ATXN3: variants seen among roughly 807,000 people sequenced by gnomAD.
ATXN3 encodes ataxin 3.
Under a neutral mutation model 58.2 loss-of-function variants are expected in ATXN3, and 28 were observed. That is an observed-to-expected ratio of 0.48 (90% CI 0.36 to 0.66). The LOEUF (loss-of-function observed/expected upper bound fraction) is 0.66, where lower values mean the gene tolerates loss of function less well. ATXN3 is among the 30% of genes least tolerant of loss of function. ATXN3 has a pLI of 0.00. For missense variants in ATXN3, 321 were observed against 422.1 expected, an observed-to-expected ratio of 0.76 and a Z score of 2.10; for synonymous variants, 113 against 138.5, an observed-to-expected ratio of 0.82 and a Z score of 1.29.
At chr14:92,058,073 G>A (rs766826445), downstream of ATXN3, among the ~76,000 whole-genome samples, 1 of 152,122 alleles carries the variant, frequency 6.6e-6, no homozygotes, top group African/African-American at 2.4e-5. Flanking sequence ...GCTTCTCTTG[G>A]AAAAGACTGA....
downstream of ATXN3, chr14:92,058,434 C>G (rs541182858): frequency 8.0e-4 from 122 of 152,376 alleles, 1 homozygote; most frequent in African/African-American, 2.8e-3. Flanking sequence ...TAGGCTCAAG[C>G]AATCCTCCTG....
chr14:92,083,083 T>A, intron 7 of ATXN3, 43 bp downstream of exon 7: 1 of 1,560,174 alleles, frequency 6.4e-7, no homozygotes, highest in Non-Finnish European at 8.6e-7. Flanking sequence ...ATTCTCATAA[T>A]GAAATACTAC....
chr14:92,080,597 G>C (rs1172965001), intron 9 of ATXN3: 2 of 301,504 alleles, frequency 6.6e-6, no homozygotes, highest in Admixed American at 4.6e-5. Context: ...GCAGTGGTGC[G>C]ATCTCGGCTC....
At chr14:92,097,081 G>A (rs1304000059) in intron 1 of ATXN3, 1 of 402,650 alleles carries the variant, frequency 2.5e-6, no homozygotes, top group Non-Finnish European at 4.6e-6. Context: ...CTAAATTTTT[G>A]TATTTTTAGT....
At chr14:92,081,739 T>A (rs1002685780) in intron 8 of ATXN3, among the ~76,000 whole-genome samples, 1 of 148,396 alleles carries the variant, frequency 6.7e-6, no homozygotes, top group African/African-American at 2.6e-5. Context: ...TAGAAAAAAA[T>A]AAAACAAAAA....
chr14:92,089,832 A>G, intron 5 of ATXN3, among the ~76,000 whole-genome samples: 1 of 152,326 alleles, frequency 6.6e-6, no homozygotes, highest in South Asian at 2.1e-4. Context: ...TGACAACTAC[A>G]CAAAGTTTTC....
In ATXN3 at chr14:92,045,437, C is replaced by G. The variant is rs528379827; in HGVS notation, n.277-479G>C. Among the ~76,000 whole-genome samples the G allele has an allele frequency of 5.3e-5, 8 of 152,222 alleles. No individual in the cohort carries two copies. In the East Asian group the frequency reaches 1.5e-3, roughly 29 times the overall value. Reference sequence around the variant, plus strand: ...GCCTTCTCAGACCCTGTGGGAAAGGCCTCTACCCATCCAGTGAAAGTGTCT... The same window carrying G: ...GCCTTCTCAGACCCTGTGGGAAAGGGCTCTACCCATCCAGTGAAAGTGTCT... On this transcript the variant is annotated intron_variant and non_coding_transcript_variant, in intron 2 of 2. Coordinates refer to the ATXN3 transcript ENST00000564606.
chr14:92,064,514 GTTTC>G (rs780362590), intron 10 of ATXN3, 100 bp from the exon 11 acceptor site: 9 of 898,588 alleles, frequency 1.0e-5, no homozygotes, highest in Non-Finnish European at 1.2e-5. Context: ...TTGAGCACGA[GTTTC>G]TTTTTTTGAT....
chr14:92,091,279 C>G (rs899471247), intron 5 of ATXN3, among the ~76,000 whole-genome samples: 1 of 151,952 alleles, frequency 6.6e-6, no homozygotes, highest in African/African-American at 2.4e-5. Flanking sequence ...GGCGAAACCC[C>G]GTCTCTACTA....
chr14:92,053,553 G>A (rs1444945302), downstream of ATXN3, among the ~76,000 whole-genome samples: 1 of 147,556 alleles, frequency 6.8e-6, no homozygotes, highest in Non-Finnish European at 1.5e-5. Context: ...CTGGAGTGCA[G>A]TGGTGCGATC....
chr14:92,056,996 G>A (rs1162225113), downstream of ATXN3, among the ~76,000 whole-genome samples: 1 of 152,180 alleles, frequency 6.6e-6, no homozygotes, highest in East Asian at 1.9e-4. Context: ...TGATGAAAGT[G>A]ACCTCTGGTC....
chr14:92,106,253 C>T (rs76736333), intron 1 of ATXN3, among the ~76,000 whole-genome samples: 4,839 of 152,198 alleles, frequency 0.032, 274 homozygotes, highest in African/African-American at 0.11. Flanking sequence ...GAAGCAAACC[C>T]ACTGGGCGCC....
chr14:92,086,411 C>T (rs1333824006), intron 6 of ATXN3, among the ~76,000 whole-genome samples: 2 of 151,482 alleles, frequency 1.3e-5, no homozygotes. Flanking sequence ...TACTAAAATA[C>T]AAAATTAGCC....
intron 3 of ATXN3, among the ~76,000 whole-genome samples, chr14:92,095,619 T>C (rs533620624): frequency 6.6e-6 from 1 of 152,062 alleles, no homozygotes; most frequent in Non-Finnish European, 1.5e-5. Context: ...CCCACTCTAA[T>C]ATGAAGATTC....
At chr14:92,072,211 T>C (rs1260066249) in intron 9 of ATXN3, among the ~76,000 whole-genome samples, 1 of 152,230 alleles carries the variant, frequency 6.6e-6, no homozygotes. Context: ...TGTAGGAATA[T>C]ATTCTTGTAC....
At chr14:92,097,794 G>C (rs1277945774) in intron 1 of ATXN3, among the ~76,000 whole-genome samples, 1 of 152,028 alleles carries the variant, frequency 6.6e-6, no homozygotes, top group Non-Finnish European at 1.5e-5. Context: ...CTAAGTTCTG[G>C]GATTACAGGC....
At chr14:92,044,968 A>G (rs963969987) in intron 2 of ATXN3, 3 of 152,146 alleles carry the variant, frequency 2.0e-5, no homozygotes, top group Non-Finnish European at 2.9e-5. Flanking sequence ...TCTGGAGTAG[A>G]CAAGAGAAGA....
At chr14:92,068,064 T>C (rs2058759458) in intron 10 of ATXN3, among the ~76,000 whole-genome samples, 1 of 152,182 alleles carries the variant, frequency 6.6e-6, no homozygotes, top group South Asian at 2.1e-4. Context: ...CTGGATTCTC[T>C]ACTCGGCCTC....
Position 92,061,169 on chromosome 14 carries a change from T to C in ATXN3, c.*3151A>G, listed in dbSNP as rs771030906. Reference sequence around the variant, plus strand: ...CTACTGGTAGTTTTGTCTGCAATGATACTCAACTGGTTTTGAGTTTTTTTC... The same window carrying C: ...CTACTGGTAGTTTTGTCTGCAATGACACTCAACTGGTTTTGAGTTTTTTTC... On this transcript the variant is annotated 3_prime_UTR_variant, in exon 11 of 11. Transcript: ENST00000644486. The C allele has an allele frequency of 2.0e-5, 3 of 152,162 alleles. No individual in the cohort carries two copies. The highest frequency in any genetic ancestry group is 2.9e-5 in the Non-Finnish European group (2 of 68,024). The allele number at this position is 152,162 out of a possible 1,614,324, so 9.4% of individuals were successfully genotyped here.
Sources: gnomAD v4.1 joint callset for allele counts (sites outside exome capture counted in the v4.1 genomes callset) on GRCh38, gnomAD v4.1.1 for gene constraint, MANE v1.5 for transcripts, NCBI Gene and HGNC (gene_info 2026-07-23, HGNC 2026-07-21) for gene names.